Variants in SPATA17 observed in about 807,000 individuals in gnomAD.
The protein encoded by SPATA17 is spermatogenesis-associated protein 17.
Under a neutral mutation model 62.2 loss-of-function variants are expected in SPATA17, and 53 were observed. The observed-to-expected ratio is 0.85, with a 90% confidence interval of 0.68 to 1.07. The LOEUF (loss-of-function observed/expected upper bound fraction) is 1.07, where lower values mean the gene tolerates loss of function less well. Ranked by LOEUF, SPATA17 falls within the 50% of genes least tolerant of loss-of-function variation. The pLI, the probability that SPATA17 is intolerant of heterozygous loss-of-function variation, is 0.00. For synonymous variants in SPATA17, 146 were observed against 146.8 expected (o/e 0.99, Z 0.04); for missense variants, 466 against 425.5 (o/e 1.10, Z -0.84).
chr1:217,634,549 A>G (rs1435411791), intron 1 of SPATA17, among the ~76,000 whole-genome samples: 1 of 152,154 alleles, frequency 6.6e-6, no homozygotes, highest in African/African-American at 2.4e-5. Context: ...GTTTTACAAT[A>G]CTGATATTAT....
intron 3 of SPATA17, among the ~76,000 whole-genome samples, chr1:217,664,096 T>C (rs1017528113): frequency 1.3e-5 from 2 of 151,762 alleles, no homozygotes; most frequent in African/African-American, 4.8e-5. Flanking sequence ...GGTGGAACAG[T>C]CAAAGTTGAC....
intron 1 of SPATA17, among the ~76,000 whole-genome samples, chr1:217,634,481 G>A (rs549806308): frequency 1.1e-3 from 165 of 152,178 alleles, no homozygotes; most frequent in African/African-American, 3.7e-3. Context: ...CAATCTGGGT[G>A]GTGCCAGCTG....
rs577492444 is a variant in SPATA17 at position 217,687,968 on chromosome 1, T to C, written c.395+4607T>C. ...TCTGTTTCCTTTTATATATAAACTA[T>C]GATTAGTTATTGTGAACTTAAAAAA... On this transcript the variant is annotated intron_variant, in intron 5 of 10. Coordinates refer to ENST00000366933, the MANE Select transcript of SPATA17 (RefSeq NM_138796.4). Among the ~76,000 whole-genome samples the C allele has an allele frequency of 4.6e-5, 7 of 152,358 alleles. No individual in the cohort carries two copies. In the East Asian group the frequency reaches 1.3e-3, roughly 29 times the overall value.
chr1:217,815,125 G>A (rs910317052), intron 9 of SPATA17, among the ~76,000 whole-genome samples: 10 of 152,100 alleles, frequency 6.6e-5, no homozygotes, highest in Non-Finnish European at 1.5e-4. Flanking sequence ...CCAAGTATAA[G>A]ATTATTGCTT....
At chr1:217,822,531 T>C (rs1674888593) in intron 9 of SPATA17, among the ~76,000 whole-genome samples, 1 of 150,802 alleles carries the variant, frequency 6.6e-6, no homozygotes, top group South Asian at 2.1e-4. Context: ...TTCACCAAAC[T>C]GGAAAAATCT....
At chr1:217,715,712 T>C (rs375575668) in intron 5 of SPATA17, among the ~76,000 whole-genome samples, 2 of 152,202 alleles carry the variant, frequency 1.3e-5, no homozygotes, top group Non-Finnish European at 2.9e-5. Flanking sequence ...TGTTATTTTA[T>C]GTGAACAACT....
chr1:217,800,003 A>T (rs1674264880), intron 8 of SPATA17, among the ~76,000 whole-genome samples: 1 of 151,998 alleles, frequency 6.6e-6, no homozygotes, highest in Non-Finnish European at 1.5e-5. Flanking sequence ...CTTTTATTTC[A>T]TTAATACCGT....
chr1:217,645,228 A>G (rs1670152586), intron 1 of SPATA17, among the ~76,000 whole-genome samples: 1 of 152,138 alleles, frequency 6.6e-6, no homozygotes, highest in Non-Finnish European at 1.5e-5. Flanking sequence ...ATATACACAT[A>G]ATAATATCCC....
chr1:217,764,023 C>A (rs1346599081), intron 6 of SPATA17, among the ~76,000 whole-genome samples: 1 of 152,116 alleles, frequency 6.6e-6, no homozygotes, highest in African/African-American at 2.4e-5. Context: ...CTGTCAACAT[C>A]CTGCATCATC....
chr1:217,828,539 C>CAAA (rs61328984), intron 9 of SPATA17, among the ~76,000 whole-genome samples: 1,543 of 128,456 alleles, frequency 0.012, 43 homozygotes, highest in African/African-American at 0.038. Context: ...AATATCACAC[C>CAAA]AAAAAAAAAA....
chr1:217,710,840 C>T (rs930735022), intron 5 of SPATA17, among the ~76,000 whole-genome samples: 28 of 152,190 alleles, frequency 1.8e-4, no homozygotes, highest in African/African-American at 6.7e-4. Flanking sequence ...TTCTACTTGT[C>T]CCCCCTCACT....
intron 6 of SPATA17, among the ~76,000 whole-genome samples, chr1:217,762,240 C>T (rs549457680): frequency 6.6e-6 from 1 of 152,298 alleles, no homozygotes; most frequent in Non-Finnish European, 1.5e-5. Flanking sequence ...AGAAAACACT[C>T]CAGTTGCTAG....
chr1:217,774,921 C>T (rs1416412056), intron 7 of SPATA17, among the ~76,000 whole-genome samples: 1 of 152,158 alleles, frequency 6.6e-6, no homozygotes, highest in Admixed American at 6.5e-5. Context: ...TGAGTTGCGA[C>T]CACACTTTAT....
At chr1:217,812,077 T>C (rs1215257650) in intron 9 of SPATA17, among the ~76,000 whole-genome samples, 1 of 152,146 alleles carries the variant, frequency 6.6e-6, no homozygotes, top group Non-Finnish European at 1.5e-5. Context: ...CCAAGAAGGC[T>C]CAAGCAAGTA....
chr1:217,654,160 C>T (rs777980309), intron 3 of SPATA17, among the ~76,000 whole-genome samples: 1 of 147,276 alleles, frequency 6.8e-6, no homozygotes, highest in Non-Finnish European at 1.5e-5. Context: ...TTTTTGGAGA[C>T]AAAGTCTTGC....
At chr1:217,754,222 A>T (rs1672985605) in intron 6 of SPATA17, among the ~76,000 whole-genome samples, 1 of 152,144 alleles carries the variant, frequency 6.6e-6, no homozygotes, top group African/African-American at 2.4e-5. Context: ...GCAACAAAGC[A>T]AGACCCTGTC....
intron 8 of SPATA17, among the ~76,000 whole-genome samples, chr1:217,784,499 A>G (rs1350406166): frequency 3.3e-5 from 5 of 152,164 alleles, no homozygotes; most frequent in African/African-American, 7.2e-5. Flanking sequence ...ATGAACTCAA[A>G]TCTTAGTTCC....
chr1:217,648,154 T>A (rs1340579367), intron 1 of SPATA17, among the ~76,000 whole-genome samples: 1 of 152,226 alleles, frequency 6.6e-6, no homozygotes, highest in Non-Finnish European at 1.5e-5. Flanking sequence ...TTTTATTGCA[T>A]CATATAGTAA....
intron 9 of SPATA17, among the ~76,000 whole-genome samples, chr1:217,840,846 G>A (rs1209590339): frequency 6.6e-6 from 1 of 151,818 alleles, no homozygotes; most frequent in Non-Finnish European, 1.5e-5. Flanking sequence ...GTGACACAGT[G>A]AGACCCTGTC....
Sources: allele counts gnomAD v4.1 joint callset (sites outside exome capture counted in the v4.1 genomes callset), GRCh38; gene constraint gnomAD v4.1.1; transcripts MANE v1.5; gene names NCBI Gene and HGNC (gene_info 2026-07-23, HGNC 2026-07-21).